Variants in LPP observed in about 807,000 individuals in gnomAD.
LPP encodes the protein LIM domain containing preferred translocation partner in lipoma, also known as lipoma-preferred partner.
A neutral mutation model predicts 60.4 loss-of-function variants in LPP; 38 were observed. The ratio of observed to expected loss-of-function variants is 0.63; its 90% CI spans 0.49 to 0.83. The LOEUF is 0.83. LPP is among the 40% of genes least tolerant of loss of function. LPP has a pLI of 0.00. For missense variants in LPP, 902 were observed against 783.6 expected, an observed-to-expected ratio of 1.15 and a Z score of -1.80; for synonymous variants, 328 against 290.8, an observed-to-expected ratio of 1.13 and a Z score of -1.30.
intron 6 of LPP, among the ~76,000 whole-genome samples, chr3:188,554,260 A>G (rs1828935558): frequency 6.6e-6 from 1 of 151,960 alleles, no homozygotes; most frequent in Non-Finnish European, 1.5e-5. Flanking sequence ...GAGAGGAAAA[A>G]CCTTCTATCC....
At chr3:188,808,515 T>C (rs1055111980) in intron 9 of LPP, among the ~76,000 whole-genome samples, 21 of 152,086 alleles carry the variant, frequency 1.4e-4, no homozygotes, top group African/African-American at 5.1e-4. Flanking sequence ...CAAGACTCAC[T>C]GTTATTTTCC....
At position 188,888,181 on chromosome 3, in the gene LPP, T is replaced by G. The variant is rs1770892895; in HGVS notation, c.*13702T>G. ...TTAACCTACACCTTTATCATTACTC[T>G]AACAGATTTAGGGCTTCTCTTTCTC... On this transcript the variant is annotated 3_prime_UTR_variant, in exon 12 of 12. Transcript: ENST00000617246. The G allele has an allele frequency of 4.6e-6, 1 of 218,358 alleles. No individual in the cohort carries two copies. Among genetic ancestry groups the G allele is most frequent in the Non-Finnish European group, 9.2e-6 (1 of 108,578 alleles). The allele number at this position is 218,358 out of a possible 1,614,324, so 13.5% of individuals were successfully genotyped here.
chr3:188,450,951 T>C (rs1315764849), intron 4 of LPP, among the ~76,000 whole-genome samples: 2 of 152,130 alleles, frequency 1.3e-5, no homozygotes, highest in Non-Finnish European at 2.9e-5. Flanking sequence ...GTGTTCTTAA[T>C]GATTGGCAGA....
chr3:188,861,517 T>C (rs1202300085), intron 9 of LPP, among the ~76,000 whole-genome samples: 1 of 152,210 alleles, frequency 6.6e-6, no homozygotes, highest in African/African-American at 2.4e-5. Context: ...TTTTAAATAC[T>C]CAAAATTGAA....
chr3:188,596,120 G>C (rs1450443628), intron 6 of LPP, among the ~76,000 whole-genome samples: 1 of 152,160 alleles, frequency 6.6e-6, no homozygotes, highest in Non-Finnish European at 1.5e-5. Context: ...TGAAGCAGCA[G>C]ATGTGCCTGG....
At chr3:188,842,695 A>T (rs1463757370) in intron 9 of LPP, among the ~76,000 whole-genome samples, 2 of 151,592 alleles carry the variant, frequency 1.3e-5, no homozygotes, top group East Asian at 3.9e-4. Context: ...TTCATATAAC[A>T]ATATATTTAT....
chr3:188,437,677 CA>C (rs1177052858), intron 4 of LPP, among the ~76,000 whole-genome samples: 1 of 152,152 alleles, frequency 6.6e-6, no homozygotes, highest in Non-Finnish European at 1.5e-5. Context: ...TCATATTTAG[CA>C]ATGGCATTAT....
chr3:188,207,332 A>G (rs994033501), intron 1 of LPP, among the ~76,000 whole-genome samples: 1 of 147,434 alleles, frequency 6.8e-6, no homozygotes, highest in African/African-American at 2.5e-5. Flanking sequence ...GCCGGGTTCG[A>G]GCCATTCTCC....
Position 188,881,372 on chromosome 3 carries a change from A to G in LPP, c.*6893A>G, listed in dbSNP as rs1417826684. 5.0e-6 allele frequency: 1 copy of G among 201,016 alleles called. No individual in the cohort carries two copies. Among genetic ancestry groups the G allele is most frequent in the Non-Finnish European group, 1.0e-5 (1 of 97,248 alleles). The allele number at this position is 201,016 out of a possible 1,614,324, so 12.5% of individuals were successfully genotyped here. ...TCAGCTTTTCTTCACTTATTGACAT[A>G]GTGTCATGTCCTATCACTCTCTGCT... is the stretch of plus-strand genomic sequence containing the variant. On this transcript the variant is annotated 3_prime_UTR_variant, in exon 12 of 12. Transcript: ENST00000617246.
intron 4 of LPP, among the ~76,000 whole-genome samples, chr3:188,464,827 T>C (rs1298365717): frequency 6.6e-6 from 1 of 152,090 alleles, no homozygotes; most frequent in Non-Finnish European, 1.5e-5. Context: ...TTTATAAACA[T>C]GTGGTCTTCT....
At chr3:188,315,069 A>G (rs1754641893) in intron 2 of LPP, among the ~76,000 whole-genome samples, 1 of 144,534 alleles carries the variant, frequency 6.9e-6, no homozygotes, top group Admixed American at 7.1e-5. Context: ...GCTCTTTAAA[A>G]TTTTTTACAT....
chr3:188,603,411 GAT>G (rs1841823312), intron 6 of LPP, among the ~76,000 whole-genome samples: 1 of 151,672 alleles, frequency 6.6e-6, no homozygotes, highest in African/African-American at 2.4e-5. Context: ...GAGAGAGGTG[GAT>G]GGTTTTTAAA....
At chr3:188,214,792 G>A (rs1712852503) in intron 1 of LPP, among the ~76,000 whole-genome samples, 1 of 152,174 alleles carries the variant, frequency 6.6e-6, no homozygotes, top group Admixed American at 6.5e-5. Flanking sequence ...GACAGGGACA[G>A]TAAGAGGTTG....
intron 7 of LPP, 63 bp from the exon 8 acceptor site, chr3:188,708,204 G>A (rs184941874): frequency 2.5e-6 from 4 of 1,588,590 alleles, no homozygotes; most frequent in Non-Finnish European, 2.6e-6. Context: ...GCTTGTTTAG[G>A]CTGACTGCCT....
intron 2 of LPP, among the ~76,000 whole-genome samples, chr3:188,311,053 T>C (rs1753235853): frequency 6.6e-6 from 1 of 152,214 alleles, no homozygotes; most frequent in African/African-American, 2.4e-5. Flanking sequence ...ATTAAGCAGC[T>C]GTATTAGTCT....
At chr3:188,766,055 A>G (rs1734009088) in intron 9 of LPP, among the ~76,000 whole-genome samples, 1 of 151,290 alleles carries the variant, frequency 6.6e-6, no homozygotes, top group Non-Finnish European at 1.5e-5. Flanking sequence ...ATTTTTTCAT[A>G]GAGACGGGGT....
intron 6 of LPP, among the ~76,000 whole-genome samples, chr3:188,589,561 C>T (rs549505777): frequency 6.6e-6 from 1 of 152,102 alleles, no homozygotes; most frequent in Non-Finnish European, 1.5e-5. Context: ...TTTGAAAACT[C>T]GAATGCCAGT....
At position 188,877,242 on chromosome 3, in the gene LPP, G is replaced by A. The variant is rs1296116574; in HGVS notation, c.*2763G>A. 5.7e-6 allele frequency: 1 copy of A among 176,340 alleles called. No individual in the cohort carries two copies. The highest frequency in any genetic ancestry group is 1.2e-5 in the Non-Finnish European group (1 of 81,956). 10.9% of individuals were successfully genotyped at this position (176,340 alleles called of 1,614,324 possible). The stretch of plus-strand genomic sequence containing the variant: ...TGCCTGCAACAGAGAGAAAAAGATT[G>A]TATTACTTTAATGATTATAATCATA... On this transcript the variant is annotated 3_prime_UTR_variant, in exon 12 of 12. Coordinates refer to ENST00000617246, the MANE Select transcript of LPP (RefSeq NM_001375462.1).
rs1730361497 is a variant in LPP, at chr3:188,199,241, A to G, written c.-189-26164A>G. On this transcript the variant is annotated intron_variant, in intron 1 of 11. Coordinates refer to ENST00000617246, the MANE Select transcript of LPP (RefSeq NM_001375462.1). ...GGGAGAAAGAGAGCGAGTGAGCATT[A>G]GCAGGTGCAGGAAGAAGCTGTAGAT... 2.6e-5 allele frequency among the ~76,000 whole-genome samples: 4 copies of G among 152,192 alleles called. No homozygotes were observed. The South Asian group carries it at 8.3e-4, about 32-fold the overall frequency.
Sources: allele counts gnomAD v4.1 joint callset (sites outside exome capture counted in the v4.1 genomes callset), GRCh38; gene constraint gnomAD v4.1.1; transcripts MANE v1.5; gene names NCBI Gene and HGNC (gene_info 2026-07-23, HGNC 2026-07-21).